RHOA: variants seen among roughly 807,000 people sequenced by gnomAD.
RHOA encodes the protein transforming protein RhoA.
Under a neutral mutation model 17.5 loss-of-function variants are expected in RHOA, and 3 were observed. That is an observed-to-expected ratio of 0.17 (90% CI 0.08 to 0.44). The LOEUF is 0.44. RHOA is among the 20% of genes least tolerant of loss of function. The probability of loss-of-function intolerance (pLI) is 0.99; values close to 1 mark genes in which losing one functional copy is unlikely to be tolerated. For synonymous variants in RHOA, 98 were observed against 88.4 expected (o/e 1.11, Z -0.61); for missense variants, 56 against 242.3 (o/e 0.23, Z 5.10).
At chr3:49,386,437 T>C (rs1032071545) in intron 1 of RHOA, among the ~76,000 whole-genome samples, 1 of 152,202 alleles carries the variant, frequency 6.6e-6, no homozygotes, top group African/African-American at 2.4e-5. Context: ...TAAGTTCTAA[T>C]ACTCTCATTT....
rs150067718 is a variant in RHOA, at chr3:49,363,461, G to A, written c.278-835C>T. On this transcript the variant is annotated intron_variant, in intron 3 of 4. Coordinates refer to ENST00000418115, the MANE Select transcript of RHOA (RefSeq NM_001664.4). The stretch of plus-strand genomic sequence containing the variant: ...TGAAAATAACCAAAAGAGGCTGGGC[G>A]TGGTGACTCATACTTGTAATTCCAG... Among the ~76,000 whole-genome samples, 999 of 152,260 alleles carry A rather than the reference G, an allele frequency of 6.6e-3. 8 individuals carry two copies. Among genetic ancestry groups the A allele is most frequent in the African/African-American group, 0.023 (954 of 41,566 alleles).
chr3:49,375,694 G>A, intron 1 of RHOA, 103 bp from the exon 2 acceptor site: 1 of 1,232,076 alleles, frequency 8.1e-7, no homozygotes, highest in South Asian at 1.5e-5. Flanking sequence ...ACCTCTATTA[G>A]CATACTCAAA....
intron 2 of RHOA, among the ~76,000 whole-genome samples, chr3:49,371,996 A>C (rs1434549258): frequency 6.6e-6 from 1 of 152,226 alleles, no homozygotes; most frequent in Non-Finnish European, 1.5e-5. Context: ...TCTGGAGAAA[A>C]TGTTAGGATA....
intron 1 of RHOA, among the ~76,000 whole-genome samples, chr3:49,376,705 C>T (rs944036622): frequency 1.3e-5 from 2 of 148,946 alleles, no homozygotes; most frequent in South Asian, 2.1e-4. Context: ...AATGAAAGGA[C>T]TGATGAAAGG....
At chr3:49,387,156 A>C (rs1407452989) in intron 1 of RHOA, among the ~76,000 whole-genome samples, 5 of 100,958 alleles carry the variant, frequency 5.0e-5, no homozygotes, top group Middle Eastern at 8.2e-3. Context: ...AAAAAAAAAA[A>C]AAAACAGGCC....
intron 4 of RHOA, among the ~76,000 whole-genome samples, chr3:49,361,276 C>A (rs2047966725): frequency 6.6e-6 from 1 of 152,112 alleles, no homozygotes; most frequent in Admixed American, 6.6e-5. Context: ...CAATCCAGGA[C>A]TAAATGCCCT....
At chr3:49,371,991 A>G (rs1453472970) in intron 2 of RHOA, among the ~76,000 whole-genome samples, 1 of 152,246 alleles carries the variant, frequency 6.6e-6, no homozygotes, top group Non-Finnish European at 1.5e-5. Flanking sequence ...CACTCTCTGG[A>G]GAAAATGTTA....
chr3:49,375,159 C>T (rs1470753422), intron 2 of RHOA, among the ~76,000 whole-genome samples: 2 of 151,882 alleles, frequency 1.3e-5, no homozygotes, highest in Non-Finnish European at 2.9e-5. Flanking sequence ...ATTTGGGAGG[C>T]TGAGGCAGGA....
chr3:49,397,019 A>G (rs1232766743), intron 1 of RHOA, among the ~76,000 whole-genome samples: 1 of 150,918 alleles, frequency 6.6e-6, no homozygotes, highest in Admixed American at 6.7e-5. Context: ...GGTCCCACCT[A>G]CTCTGCAGGC....
intron 4 of RHOA, 89 bp from the exon 5 acceptor site, chr3:49,360,471 T>G: frequency 7.1e-7 from 1 of 1,405,910 alleles, no homozygotes; most frequent in South Asian, 1.5e-5. Context: ...TAAAAGATTT[T>G]TTTTTCTTTT....
At chr3:49,388,803 T>C (rs1232708774) in intron 1 of RHOA, among the ~76,000 whole-genome samples, 1 of 152,186 alleles carries the variant, frequency 6.6e-6, no homozygotes, top group African/African-American at 2.4e-5. Context: ...TTTGAAATCT[T>C]TGTTCATTAG....
intron 1 of RHOA, among the ~76,000 whole-genome samples, chr3:49,389,699 T>C (rs919149816): frequency 3.3e-5 from 5 of 152,088 alleles, no homozygotes; most frequent in Non-Finnish European, 5.9e-5. Flanking sequence ...CCCAGCACTT[T>C]GGGAGGCCGA....
At chr3:49,372,733 CAAAA>C (rs11460016) in intron 2 of RHOA, among the ~76,000 whole-genome samples, 1 of 83,144 alleles carries the variant, frequency 1.2e-5, no homozygotes. Flanking sequence ...GACTCTGTCT[CAAAA>C]AAAAAAAAAA....
chr3:49,395,246 G>A (rs926739959), intron 1 of RHOA, among the ~76,000 whole-genome samples: 27 of 149,542 alleles, frequency 1.8e-4, no homozygotes, highest in African/African-American at 4.5e-4. Context: ...GCAAGACTCC[G>A]TCTCAAAAAA....
chr3:49,411,141 GTGT>G (rs1269115795), intron 1 of RHOA, among the ~76,000 whole-genome samples: 3 of 151,776 alleles, frequency 2.0e-5, no homozygotes, highest in African/African-American at 4.8e-5. Context: ...ACAGTTTTGT[GTGT>G]TGTTTTTTTT....
rs780905261 is a variant in RHOA at position 49,386,352 on chromosome 3, G to GA, written c.-2-10762dup. On this transcript the variant is annotated intron_variant, in intron 1 of 4. Coordinates refer to ENST00000418115, the MANE Select transcript of RHOA (RefSeq NM_001664.4). ...CTCCCACCACTACTTTGTAGAAGAG[G>GA]AAAAATATAAGAAACAGCTAACAAA... Among the ~76,000 whole-genome samples, 7 of 152,098 alleles carry GA rather than the reference G, an allele frequency of 4.6e-5. No individual in the cohort carries two copies. In the East Asian group the frequency reaches 7.7e-4, roughly 17 times the overall value.
intron 2 of RHOA, among the ~76,000 whole-genome samples, chr3:49,374,872 C>T (rs1043950237): frequency 1.3e-5 from 2 of 151,812 alleles, no homozygotes; most frequent in South Asian, 2.1e-4. Flanking sequence ...GCCTGGCCAA[C>T]GTAGTGAAAC....
At chr3:49,380,294 T>C (rs970408532) in intron 1 of RHOA, among the ~76,000 whole-genome samples, 2 of 152,276 alleles carry the variant, frequency 1.3e-5, no homozygotes, top group Middle Eastern at 3.4e-3. Context: ...GGAGCCACCA[T>C]CTCAGCCCCA....
rs757014144 is a variant in RHOA at position 49,375,260 on chromosome 3, C to CA, written c.156+173dup. On this transcript the variant is annotated intron_variant, in intron 2 of 4. Transcript: ENST00000418115. ...GGGCAACAGAATGAGACTCCGTCTC[C>CA]AAAAAAAAAAAAAGAACAAACTTGG... Among the ~76,000 whole-genome samples the CA allele has an allele frequency of 3.9e-3, 465 of 120,244 alleles. 2 individuals are homozygous for CA. The highest frequency in any genetic ancestry group is 6.6e-3 in the African/African-American group (214 of 32,342). 78.9% of individuals were successfully genotyped at this position (120,244 alleles called of 152,430 possible).
Sources: allele counts gnomAD v4.1 joint callset (sites outside exome capture counted in the v4.1 genomes callset), GRCh38; gene constraint gnomAD v4.1.1; transcripts MANE v1.5; gene names NCBI Gene and HGNC (gene_info 2026-07-23, HGNC 2026-07-21).